SPMIP2: variants seen among roughly 807,000 people sequenced by gnomAD.
The protein encoded by SPMIP2 is protein SPMIP2.
At chr4:158,921,448 T>A in the SPMIP2 span, among the ~76,000 whole-genome samples, 6 of 149,816 alleles carry the variant, frequency 4.0e-5, no homozygotes, top group Non-Finnish European at 5.9e-5. Context: ...TCTCAAAATT[T>A]AAAAAAAAAA....
chr4:159,081,041 T>C, the SPMIP2 span, among the ~76,000 whole-genome samples: 4 of 144,644 alleles, frequency 2.8e-5, no homozygotes, highest in South Asian at 2.2e-4. Flanking sequence ...TCTTTCTCTT[T>C]TTTTTTTTTT....
At chr4:158,941,335 A>G in the SPMIP2 span, among the ~76,000 whole-genome samples, 1 of 152,312 alleles carries the variant, frequency 6.6e-6, no homozygotes, top group Middle Eastern at 3.4e-3. Flanking sequence ...GAATCTGAGT[A>G]ACACTATGAA....
the SPMIP2 span, among the ~76,000 whole-genome samples, chr4:158,896,254 GGCACATT>G: frequency 7.7e-3 from 1,179 of 152,272 alleles, 16 homozygotes; most frequent in African/African-American, 0.026. Flanking sequence ...GGAGTAGGTT[GGCACATT>G]CCACCTGGTG....
At chr4:158,930,374 A>G in the SPMIP2 span, among the ~76,000 whole-genome samples, 1 of 151,848 alleles carries the variant, frequency 6.6e-6, no homozygotes, top group Non-Finnish European at 1.5e-5. Context: ...GACTTTGCCT[A>G]TTTTTTGTAT....
the SPMIP2 span, among the ~76,000 whole-genome samples, chr4:158,926,532 T>G: frequency 6.6e-6 from 1 of 152,204 alleles, no homozygotes; most frequent in Non-Finnish European, 1.5e-5. Flanking sequence ...TCATCATAGT[T>G]CCGTGATTTC....
the SPMIP2 span, among the ~76,000 whole-genome samples, chr4:159,036,206 A>C: frequency 6.6e-6 from 1 of 152,228 alleles, no homozygotes; most frequent in Non-Finnish European, 1.5e-5. Context: ...AATTATAAGA[A>C]AAACACTATA....
chr4:159,008,069 C>G, the SPMIP2 span, among the ~76,000 whole-genome samples: 1 of 151,650 alleles, frequency 6.6e-6, no homozygotes, highest in Admixed American at 6.6e-5. Context: ...AGAACTCTCT[C>G]TAAAATAAAT....
chr4:158,911,801 T>G, the SPMIP2 span, among the ~76,000 whole-genome samples: 10 of 151,800 alleles, frequency 6.6e-5, no homozygotes, highest in East Asian at 1.9e-4. Flanking sequence ...CAAACTCGAG[T>G]GGATGAGGAA....
chr4:158,899,946 C>G, the SPMIP2 span, among the ~76,000 whole-genome samples: 9 of 152,136 alleles, frequency 5.9e-5, 1 homozygote, highest in South Asian at 1.9e-3. Flanking sequence ...GTTAGGGTGT[C>G]GATTTTAGAT....
chr4:158,959,362 A>G, the SPMIP2 span, among the ~76,000 whole-genome samples: 1 of 152,212 alleles, frequency 6.6e-6, no homozygotes, highest in Non-Finnish European at 1.5e-5. Context: ...TGTGTTATTC[A>G]TGCTTTAAAG....
the SPMIP2 span, among the ~76,000 whole-genome samples, chr4:158,939,989 G>C: frequency 1.3e-5 from 2 of 152,212 alleles, no homozygotes; most frequent in African/African-American, 4.8e-5. Flanking sequence ...ATCTGCATCA[G>C]GTTGGGTTTT....
chr4:159,013,389 C>T, the SPMIP2 span, among the ~76,000 whole-genome samples: 4 of 152,328 alleles, frequency 2.6e-5, no homozygotes, highest in East Asian at 5.8e-4. Context: ...GAAAATACCA[C>T]AGACTGGGTG....
chr4:158,895,275 A>G, the SPMIP2 span, among the ~76,000 whole-genome samples: 1 of 152,248 alleles, frequency 6.6e-6, no homozygotes. Flanking sequence ...GTACTGGGCC[A>G]GAATAATCTG....
the SPMIP2 span, among the ~76,000 whole-genome samples, chr4:159,076,537 T>C: frequency 0.63 from 95,490 of 152,112 alleles, 30,781 homozygotes; most frequent in African/African-American, 0.78. Context: ...TTATTTTCAT[T>C]TACAGTTTGA....
the SPMIP2 span, among the ~76,000 whole-genome samples, chr4:158,997,636 T>A: frequency 2.5e-3 from 381 of 152,264 alleles, 1 homozygote; most frequent in African/African-American, 8.5e-3. Flanking sequence ...TATTCCTCCA[T>A]ATTCAAGCTC....
the SPMIP2 span, among the ~76,000 whole-genome samples, chr4:158,898,797 T>G: frequency 2.9e-4 from 44 of 152,346 alleles, 1 homozygote; most frequent in East Asian, 3.7e-3. Flanking sequence ...CAATTTGACT[T>G]CCTCTCTTCC....
At chr4:158,931,446 G>A in the SPMIP2 span, among the ~76,000 whole-genome samples, 7 of 152,104 alleles carry the variant, frequency 4.6e-5, no homozygotes, top group East Asian at 1.9e-4. Flanking sequence ...TAGTAGAGAC[G>A]CGGTTTCATG....
the SPMIP2 span, among the ~76,000 whole-genome samples, chr4:158,957,829 C>T: frequency 1.3e-5 from 2 of 152,196 alleles, no homozygotes; most frequent in African/African-American, 4.8e-5. Context: ...CTTTACATCC[C>T]ATAAATATTC....
At chr4:158,898,134 G>A in the SPMIP2 span, among the ~76,000 whole-genome samples, 3 of 152,298 alleles carry the variant, frequency 2.0e-5, no homozygotes, top group South Asian at 6.2e-4. Context: ...GTTTGTCAAA[G>A]ATCAGATGGT....
Sources: gnomAD v4.1 joint callset for allele counts (sites outside exome capture counted in the v4.1 genomes callset) on GRCh38, gnomAD v4.1.1 for gene constraint, MANE v1.5 for transcripts, NCBI Gene and HGNC (gene_info 2026-07-23, HGNC 2026-07-21) for gene names.